The following HHLA1 variants were observed in gnomAD, a reference collection of about 807,000 sequenced individuals.
The protein encoded by HHLA1 is HERV-H LTR-associating protein 1.
In HHLA1, 72 loss-of-function variants were observed where a neutral mutation model predicts 69.9. The ratio of observed to expected loss-of-function variants is 1.03; its 90% confidence interval spans 0.85 to 1.25. The LOEUF (loss-of-function observed/expected upper bound fraction) is 1.25. HHLA1 is among the 50% of genes most tolerant of loss of function. The pLI is 0.00. For missense variants in HHLA1, 685 were observed against 642.2 expected (o/e 1.07, Z -0.72); for synonymous variants, 252 against 233.2 (o/e 1.08, Z -0.73).
At position 132,104,114 on chromosome 8, in the gene HHLA1, T is replaced by C. The variant is rs1339076713; in HGVS notation, c.133A>G (p.Thr45Ala). ...KKEKGMTFLP[T>A]TVSGLREEER... ...GCCCTTATCACCCACTTACCTGTTGTAGGTAAAAAGGTCATTCCCTTCTCT... is the reference window on the plus strand; with the variant it reads ...GCCCTTATCACCCACTTACCTGTTGCAGGTAAAAAGGTCATTCCCTTCTCT... The change falls in exon 3 of 17, where the codon ACA becomes GCA. Residue 45 changes from threonine (T) to alanine (A), a missense_variant. By Grantham distance (58) the Thr-to-Ala change is moderately conservative. Transcript: ENST00000414222. 2.6e-6 allele frequency: 4 copies of C among 1,548,726 alleles called. No homozygotes were observed. The South Asian group carries it at 4.8e-5, about 18-fold the overall frequency.
Position 132,087,800 on chromosome 8 carries a change from A to G in HHLA1, c.589+45T>C, listed in dbSNP as rs555505302. The G allele has an allele frequency of 5.2e-6, 8 of 1,546,066 alleles. No individual in the cohort carries two copies. In the South Asian group the frequency reaches 8.3e-5, roughly 16 times the overall value. On this transcript the variant is annotated intron_variant, in intron 9 of 16. Coordinates refer to ENST00000414222, the MANE Select transcript of HHLA1 (RefSeq NM_001145095.3). ...TTTCATCTGCTGGACAGTTTTGTCTATTTCTCAGCCCAGAGAGCTTGTCAA... is the reference window on the plus strand; with the variant it reads ...TTTCATCTGCTGGACAGTTTTGTCTGTTTCTCAGCCCAGAGAGCTTGTCAA...
At chr8:132,109,106 C>T (rs1824254792) in intron 1 of HHLA1, among the ~76,000 whole-genome samples, 1 of 152,212 alleles carries the variant, frequency 6.6e-6, no homozygotes, top group Non-Finnish European at 1.5e-5. Context: ...CTCCTGGGTT[C>T]AAGCAACTCT....
chr8:132,099,874 A>G (rs1214992650), intron 4 of HHLA1, among the ~76,000 whole-genome samples: 1 of 152,008 alleles, frequency 6.6e-6, no homozygotes, highest in African/African-American at 2.4e-5. Flanking sequence ...AAAGATTTGG[A>G]AACAACAGTT....
chr8:132,095,709 A>G lies in HHLA1; in HGVS notation c.358T>C (p.Tyr120His). 6.4e-7 allele frequency: 1 copy of G among 1,551,126 alleles called. No individual in the cohort carries two copies. The highest frequency in any genetic ancestry group is 8.7e-7 in the Non-Finnish European group (1 of 1,146,690). The change falls in exon 6 of 17, where the codon TAC (tyrosine) becomes CAC (histidine). Residue 120 changes from tyrosine (Y) to histidine (H), a missense_variant. By Grantham distance (83) the Tyr-to-His change is moderately conservative. Coordinates refer to ENST00000414222, the MANE Select transcript of HHLA1 (RefSeq NM_001145095.3). The stretch of plus-strand genomic sequence containing the variant: ...AGAGCCAGCCAGCACTCACTGTTGT[A>G]AACAGCTACAGAAAACTTGTGGAAG... ...FAFHKFSVAV[Y>H]NISNLKTVDP...
intron 14 of HHLA1, among the ~76,000 whole-genome samples, chr8:132,073,819 C>T (rs939878365): frequency 1.3e-5 from 2 of 152,280 alleles, no homozygotes; most frequent in African/African-American, 2.4e-5. Flanking sequence ...CCATCATCAC[C>T]GCATCCTCTT....
In HHLA1 at chr8:132,070,408, A is replaced by T. The variant is rs146182339; in HGVS notation, c.1469+932T>A. ...GGAATTTAGATAGACATATCTTCTA[A>T]TTATTCTCTCCTAGCAAATCTCGCC... is the stretch of plus-strand genomic sequence containing the variant. On this transcript the variant is annotated intron_variant, in intron 15 of 16. Transcript: ENST00000414222. 4.0e-3 allele frequency: 2,815 copies of T among 701,724 alleles called. 65 individuals carry two copies. In the Admixed American group the frequency reaches 0.045, roughly 11 times the overall value. 43.5% of individuals were successfully genotyped at this position (701,724 alleles called of 1,614,324 possible).
At position 132,076,075 on chromosome 8, in the gene HHLA1, G is replaced by T. The variant is rs1368020543; in HGVS notation, c.1295C>A (p.Pro432Gln). The T allele has an allele frequency of 6.4e-7, 1 of 1,551,212 alleles. No homozygotes were observed. Among genetic ancestry groups the T allele is most frequent in the Non-Finnish European group, 8.7e-7 (1 of 1,146,826 alleles). The change falls in exon 14 of 17, where the codon CCA (proline) becomes CAA (glutamine). Residue 432 changes from proline to glutamine, a missense_variant. Coordinates refer to ENST00000414222, the MANE Select transcript of HHLA1 (RefSeq NM_001145095.3). ...FTAGEEPVLV[P>Q]RPHQVSRCPQ... The stretch of plus-strand genomic sequence containing the variant: ...CTTACTTGAAACTTGATGGGGTCTT[G>T]GGACCAGGACTGGCTCTTCACCAGC...
At chr8:132,070,805 G>C (rs1354554767) in intron 15 of HHLA1, among the ~76,000 whole-genome samples, 1 of 145,712 alleles carries the variant, frequency 6.9e-6, no homozygotes, top group Non-Finnish European at 1.5e-5. Flanking sequence ...TCACAGCTCA[G>C]CTCATCACAA....
intron 11 of HHLA1, among the ~76,000 whole-genome samples, chr8:132,078,550 T>TCCTTGTTTCCTTGCCTGCTGACA (rs1823686155): frequency 6.6e-6 from 1 of 152,212 alleles, no homozygotes. Flanking sequence ...CACCCAGTCA[T>TCCTTGTTTCCTTGCCTGCTGACA]CCTTGTTTCC....
Position 132,097,314 on chromosome 8 carries a change from A to G in HHLA1, c.281-1528T>C, listed in dbSNP as rs1824040741. On this transcript the variant is annotated intron_variant, in intron 5 of 16. Coordinates refer to ENST00000414222, the MANE Select transcript of HHLA1 (RefSeq NM_001145095.3). ...ATCTCCAGAGCAGGAACCTGGGGAG[A>G]TGAATATTTAATAAGTACATCAGGT... Among the ~76,000 whole-genome samples, 3 of 152,308 alleles carry G rather than the reference A, an allele frequency of 2.0e-5. 1 individual carries two copies. In the South Asian group the frequency reaches 6.2e-4, roughly 32 times the overall value.
At chr8:132,109,420 C>T (rs1452410118) in intron 1 of HHLA1, among the ~76,000 whole-genome samples, 1 of 126,196 alleles carries the variant, frequency 7.9e-6, no homozygotes, top group East Asian at 2.2e-4. Context: ...TGTGAGGACT[C>T]CTATAAGCAT....
chr8:132,107,199 A>G lies in HHLA1; in HGVS notation c.-21-1913T>C, dbSNP rs141967326. ...TTATAGTAGAAAAACAATTATTTAC[A>G]TTTATATAATAGCTACAAATTTCTC... On this transcript the variant is annotated intron_variant, in intron 1 of 16. Coordinates refer to ENST00000414222, the MANE Select transcript of HHLA1 (RefSeq NM_001145095.3). Among the ~76,000 whole-genome samples, 140 of 152,294 alleles carry G rather than the reference A, an allele frequency of 9.2e-4. 1 individual carries two copies. The highest frequency in any genetic ancestry group is 2.3e-3 in the African/African-American group (95 of 41,570).
intron 3 of HHLA1, among the ~76,000 whole-genome samples, chr8:132,101,429 A>G (rs1176866384): frequency 1.3e-5 from 2 of 152,176 alleles, no homozygotes; most frequent in Admixed American, 6.5e-5. Flanking sequence ...GATGTACCAT[A>G]TTGGGCTAGT....
chr8:132,095,813 C>G (rs1384998130), intron 5 of HHLA1, 27 bp from the exon 6 acceptor site: 1 of 1,409,274 alleles, frequency 7.1e-7, no homozygotes, highest in South Asian at 1.3e-5. Context: ...GATAAAGAGA[C>G]AGACAGATGC....
chr8:132,086,539 T>G (rs1435513320), intron 10 of HHLA1, among the ~76,000 whole-genome samples: 1 of 152,194 alleles, frequency 6.6e-6, no homozygotes, highest in Admixed American at 6.5e-5. Flanking sequence ...AGCATCAGCT[T>G]GTAAATATGT....
intron 16 of HHLA1, among the ~76,000 whole-genome samples, chr8:132,065,614 C>T (rs1823422867): frequency 6.6e-6 from 1 of 152,230 alleles, no homozygotes; most frequent in South Asian, 2.1e-4. Context: ...CATAGGAGCT[C>T]TGTGGCTAAG....
At chr8:132,090,371 C>T (rs763859046) in intron 7 of HHLA1, among the ~76,000 whole-genome samples, 18 of 152,142 alleles carry the variant, frequency 1.2e-4, no homozygotes, top group Non-Finnish European at 1.9e-4. Flanking sequence ...CTAAACAAGG[C>T]GAATGTGTTT....
At chr8:132,082,754 G>T (rs188064003) in intron 10 of HHLA1, among the ~76,000 whole-genome samples, 4 of 152,262 alleles carry the variant, frequency 2.6e-5, no homozygotes, top group African/African-American at 9.6e-5. Flanking sequence ...GTGGAGGAAG[G>T]TATTGAGGAC....
Position 132,063,984 on chromosome 8 carries a change from T to C in HHLA1, c.*11A>G, listed in dbSNP as rs1021072320. On this transcript the variant is annotated 3_prime_UTR_variant, in exon 17 of 17. Transcript: ENST00000414222. ...AAGTAATTGTTATGCCCTAGTGTTATTTTCAAGGCCTCACACAGACTTGCA... is the reference window on the plus strand; with the variant it reads ...AAGTAATTGTTATGCCCTAGTGTTACTTTCAAGGCCTCACACAGACTTGCA... 2.3e-6 allele frequency: 3 copies of C among 1,295,520 alleles called. No homozygotes were observed. In the Admixed American group the frequency reaches 6.9e-5, roughly 30 times the overall value. 80.3% of individuals were successfully genotyped at this position (1,295,520 alleles called of 1,614,324 possible).
Sources: gnomAD v4.1 joint callset for allele counts (sites outside exome capture counted in the v4.1 genomes callset) on GRCh38, gnomAD v4.1.1 for gene constraint, MANE v1.5 for transcripts, NCBI Gene and HGNC (gene_info 2026-07-23, HGNC 2026-07-21) for gene names.